SLC25A21: variants seen among roughly 807,000 people sequenced by gnomAD.
SLC25A21 encodes the protein solute carrier family 25 member 21.
Under a neutral mutation model 43.8 loss-of-function variants are expected in SLC25A21, and 47 were observed. The observed-to-expected ratio is 1.07, with a 90% CI of 0.85 to 1.37. The LOEUF (loss-of-function observed/expected upper bound fraction) is 1.37, where lower values mean the gene tolerates loss of function less well. SLC25A21 is among the 40% of genes most tolerant of loss of function. The probability of loss-of-function intolerance (pLI) is 0.00; values close to 1 mark genes in which losing one functional copy is unlikely to be tolerated. For synonymous variants in SLC25A21, 131 were observed against 121.3 expected (o/e 1.08, Z -0.52); for missense variants, 352 against 350.2 (o/e 1.00, Z -0.04).
intron 3 of SLC25A21, among the ~76,000 whole-genome samples, chr14:36,767,918 A>G (rs1378984502): frequency 6.6e-6 from 1 of 152,074 alleles, no homozygotes; most frequent in Non-Finnish European, 1.5e-5. Context: ...TGAAGTTTTA[A>G]CCCTTTTTGA....
chr14:37,001,342 T>C (rs1005374503), intron 1 of SLC25A21, among the ~76,000 whole-genome samples: 2 of 152,138 alleles, frequency 1.3e-5, no homozygotes, highest in African/African-American at 4.8e-5. Flanking sequence ...TAAGAAATAG[T>C]ATTATCAATT....
At chr14:36,705,186 G>A (rs1883461495) in intron 7 of SLC25A21, among the ~76,000 whole-genome samples, 1 of 150,466 alleles carries the variant, frequency 6.6e-6, no homozygotes, top group African/African-American at 2.5e-5. Flanking sequence ...GACTACTGGC[G>A]CCCGCCACCA....
intron 2 of SLC25A21, among the ~76,000 whole-genome samples, chr14:36,863,215 T>C (rs749923597): frequency 3.9e-5 from 6 of 152,176 alleles, no homozygotes; most frequent in Non-Finnish European, 8.8e-5. Flanking sequence ...CTCTTCCATC[T>C]CATCCTCAGG....
chr14:36,822,011 G>T (rs1467985369), intron 2 of SLC25A21, among the ~76,000 whole-genome samples: 1 of 152,142 alleles, frequency 6.6e-6, no homozygotes, highest in Non-Finnish European at 1.5e-5. Flanking sequence ...AAGGAACAAG[G>T]TTAAGGGTTT....
At chr14:36,695,136 G>A (rs1334639317) in intron 7 of SLC25A21, among the ~76,000 whole-genome samples, 1 of 147,860 alleles carries the variant, frequency 6.8e-6, no homozygotes, top group African/African-American at 2.4e-5. Flanking sequence ...TGGCTAGCCT[G>A]TTTTCCCAGC....
intron 1 of SLC25A21, among the ~76,000 whole-genome samples, chr14:37,107,698 G>A (rs1232243116): frequency 6.6e-6 from 1 of 152,042 alleles, no homozygotes; most frequent in Non-Finnish European, 1.5e-5. Context: ...AGAAACTGAA[G>A]CACAGAGGTA....
chr14:36,946,781 T>G (rs1350324285), intron 1 of SLC25A21, among the ~76,000 whole-genome samples: 1 of 152,168 alleles, frequency 6.6e-6, no homozygotes, highest in African/African-American at 2.4e-5. Context: ...TCCTCCAGGA[T>G]GTCAGCTTGT....
At chr14:36,720,200 C>T (rs1039880788) in intron 6 of SLC25A21, among the ~76,000 whole-genome samples, 1 of 152,198 alleles carries the variant, frequency 6.6e-6, no homozygotes, top group Non-Finnish European at 1.5e-5. Context: ...ACCCAGAAGA[C>T]TTTCAGTATT....
intron 1 of SLC25A21, among the ~76,000 whole-genome samples, chr14:37,161,618 C>T (rs972111060): frequency 3.3e-5 from 5 of 152,074 alleles, no homozygotes; most frequent in Non-Finnish European, 7.4e-5. Flanking sequence ...GAACCCTAAT[C>T]CAATGACTGG....
chr14:37,077,943 A>AT (rs1962313207), intron 1 of SLC25A21, among the ~76,000 whole-genome samples: 1 of 152,124 alleles, frequency 6.6e-6, no homozygotes, highest in Non-Finnish European at 1.5e-5. Context: ...CATTTTAAAA[A>AT]TTTTTTTAAA....
intron 2 of SLC25A21, among the ~76,000 whole-genome samples, chr14:36,858,958 G>T (rs1016686542): frequency 3.9e-5 from 6 of 152,098 alleles, no homozygotes; most frequent in Admixed American, 6.5e-5. Flanking sequence ...AATGTAACAA[G>T]GAAATAGAAA....
intron 1 of SLC25A21, among the ~76,000 whole-genome samples, chr14:37,009,737 T>A (rs1202165762): frequency 6.6e-6 from 1 of 152,170 alleles, no homozygotes; most frequent in Non-Finnish European, 1.5e-5. Context: ...GCCCAGTGGA[T>A]GCTACAGAAG....
rs138522151 is a variant in SLC25A21 at position 37,062,787 on chromosome 14, G to A, written c.70+109494C>T. ...GATAAGTTATAGGGGTTTGATAAGT[G>A]GGCTGGTGTAATAGAGAGGCTATCT... is the stretch of plus-strand genomic sequence containing the variant. On this transcript the variant is annotated intron_variant, in intron 1 of 9. Coordinates refer to ENST00000331299, the MANE Select transcript of SLC25A21 (RefSeq NM_030631.4). 3.6e-3 allele frequency among the ~76,000 whole-genome samples: 546 copies of A among 152,236 alleles called. 3 individuals carry two copies. Among genetic ancestry groups the A allele is most frequent in the African/African-American group, 7.8e-3 (323 of 41,546 alleles).
intron 3 of SLC25A21, among the ~76,000 whole-genome samples, chr14:36,752,041 A>C (rs1885729725): frequency 6.6e-6 from 1 of 152,198 alleles, no homozygotes; most frequent in Non-Finnish European, 1.5e-5. Flanking sequence ...AGCAGTGAAC[A>C]AGTCAGACAC....
intron 1 of SLC25A21, chr14:37,097,028 T>C (rs1292746840): frequency 6.9e-6 from 1 of 145,320 alleles, no homozygotes; most frequent in African/African-American, 2.7e-5. Context: ...GTTTTTTTTT[T>C]GTTTTTTTTT....
intron 1 of SLC25A21, among the ~76,000 whole-genome samples, chr14:36,939,208 T>A (rs114597855): frequency 0.011 from 1,714 of 151,848 alleles, 30 homozygotes; most frequent in African/African-American, 0.039. Flanking sequence ...GTCGGACTCA[T>A]CCATGAAAAA....
At position 36,678,592 on chromosome 14, in the gene SLC25A21, A is replaced by AAAC. The variant is rs1430743806; in HGVS notation, c.*2063_*2065dup. ...TACAGGGACTCTCCTGTCATCTGAA[A>AAAC]AACTGATGTAAGGTACAGAACTATT... On this transcript the variant is annotated 3_prime_UTR_variant, in exon 10 of 10. Transcript: ENST00000331299. The AAAC allele has an allele frequency of 1.3e-6, 2 of 1,510,134 alleles. No individual in the cohort carries two copies. Among genetic ancestry groups the AAAC allele is most frequent in the Non-Finnish European group, 1.8e-6 (2 of 1,134,446 alleles). 93.5% of individuals were successfully genotyped at this position (1,510,134 alleles called of 1,614,324 possible).
chr14:37,020,999 T>C (rs1209708149), intron 1 of SLC25A21, among the ~76,000 whole-genome samples: 1 of 152,010 alleles, frequency 6.6e-6, no homozygotes, highest in East Asian at 1.9e-4. Flanking sequence ...AGCCAGACGT[T>C]TCCTGAGGTC....
rs535685997 is a variant in SLC25A21, at chr14:36,875,072, T to C, written c.71-68A>G. 1.1e-5 allele frequency: 14 copies of C among 1,273,276 alleles called. No homozygotes were observed. The East Asian group carries it at 3.3e-4, about 30-fold the overall frequency. 78.9% of individuals were successfully genotyped at this position (1,273,276 alleles called of 1,614,324 possible). On this transcript the variant is annotated intron_variant, in intron 1 of 9. Coordinates refer to ENST00000331299, the MANE Select transcript of SLC25A21 (RefSeq NM_030631.4). ...ACTGGTTCTTATTTCCTTGATCCCG[T>C]CGATTTCTCGAGTGTGAGGGTTCAG... is the stretch of plus-strand genomic sequence containing the variant.
Sources: gnomAD v4.1 joint callset for allele counts (sites outside exome capture counted in the v4.1 genomes callset) on GRCh38, gnomAD v4.1.1 for gene constraint, MANE v1.5 for transcripts, NCBI Gene and HGNC (gene_info 2026-07-23, HGNC 2026-07-21) for gene names.